DNAAF9: variants seen among roughly 807,000 people sequenced by gnomAD.
The protein encoded by DNAAF9 is shulin.
Under a neutral mutation model 167.0 loss-of-function variants are expected in DNAAF9, and 90 were observed. The observed-to-expected ratio is 0.54, with a 90% CI of 0.45 to 0.64. The LOEUF (loss-of-function observed/expected upper bound fraction) is 0.64, where lower values mean the gene tolerates loss of function less well. Ranked by LOEUF, DNAAF9 falls within the 30% of genes least tolerant of loss-of-function variation. DNAAF9 has a pLI of 0.00. For synonymous variants in DNAAF9, 491 were observed against 508.8 expected (o/e 0.96, Z 0.47); for missense variants, 1,315 against 1,442.2 (o/e 0.91, Z 1.43).
intron 23 of DNAAF9, chr20:3,296,317 C>T: frequency 2.7e-6 from 1 of 372,422 alleles, no homozygotes; most frequent in Non-Finnish European, 5.3e-6. Context: ...CATGCTTGGC[C>T]CGGGTCAGGG....
intron 25 of DNAAF9, among the ~76,000 whole-genome samples, chr20:3,291,758 A>G (rs1239890386): frequency 1.3e-5 from 2 of 152,144 alleles, no homozygotes; most frequent in South Asian, 2.1e-4. Context: ...ATCAGCACAG[A>G]GAAGACGGCC....
rs2069493125 is a variant in DNAAF9 at position 3,315,924 on chromosome 20, C to T, written c.1540-139G>A. On this transcript the variant is annotated intron_variant, in intron 18 of 36. Coordinates refer to ENST00000252032, the MANE Select transcript of DNAAF9 (RefSeq NM_001009984.3). This position sits in a 1 kb window ranked among gnomAD's most constrained non-coding sequence, Gnocchi z 4.1. ...ATGTCCATGTCCAGTGCTCTCAGGC[C>T]CTGACACACCTGAGATGTCTGCTGG... The T allele has an allele frequency of 1.4e-6, 1 of 716,816 alleles. No homozygotes were observed. Among genetic ancestry groups the T allele is most frequent in the African/African-American group, 1.7e-5 (1 of 57,224 alleles). 44.4% of individuals were successfully genotyped at this position (716,816 alleles called of 1,614,324 possible).
chr20:3,340,171 A>G (rs2070050094), intron 10 of DNAAF9, among the ~76,000 whole-genome samples: 1 of 152,234 alleles, frequency 6.6e-6, no homozygotes. Context: ...TAGGCTTGGA[A>G]TAACTATCTT....
intron 25 of DNAAF9, among the ~76,000 whole-genome samples, chr20:3,290,528 G>A (rs541365089): frequency 2.6e-5 from 4 of 152,300 alleles, no homozygotes; most frequent in Non-Finnish European, 5.9e-5. Context: ...GAATAGATTA[G>A]TTAAAATACA....
intron 27 of DNAAF9, among the ~76,000 whole-genome samples, chr20:3,286,564 C>T (rs1000239085): frequency 3.3e-5 from 5 of 152,160 alleles, no homozygotes; most frequent in Non-Finnish European, 7.3e-5. Flanking sequence ...TGGTTTCAAG[C>T]CCAGACTCTT....
In DNAAF9 at chr20:3,260,005, C is replaced by T. The variant is rs1384674904; in HGVS notation, c.2897G>A (p.Gly966Glu). The change falls in exon 32 of 37, where the codon GGA becomes GAA. Residue 966 changes from glycine (G) to glutamate (E), a missense_variant. Gly to Glu is a moderately conservative substitution (Grantham distance 98, BLOSUM62 -2). Around this residue, in one of 2 missense-constraint regions of DNAAF9, gnomAD observed 334 missense variants for 429.7 expected, o/e 0.78. Transcript: ENST00000252032. ...PGWYEGKLNA[G>E]SVYPLMVQIC... ...CTGAACCATTAGGGGATAGACTGAT[C>T]CAGCATTCAATTTACCTTCATACCT... is the stretch of plus-strand genomic sequence containing the variant. The T allele has an allele frequency of 6.2e-7, 1 of 1,610,696 alleles. No individual in the cohort carries two copies. Among genetic ancestry groups the T allele is most frequent in the East Asian group, 2.2e-5 (1 of 44,874 alleles).
chr20:3,293,744 G>A (rs1202864842), intron 25 of DNAAF9, among the ~76,000 whole-genome samples: 1 of 151,620 alleles, frequency 6.6e-6, no homozygotes, highest in East Asian at 1.9e-4. Context: ...TGCTGATTCC[G>A]GCAAGGCCTG....
chr20:3,253,334 G>A (rs572354029), intron 36 of DNAAF9, among the ~76,000 whole-genome samples: 46 of 152,250 alleles, frequency 3.0e-4, no homozygotes, highest in African/African-American at 1.1e-3. Context: ...CCAGCTACTC[G>A]GGAGGCTGAG....
intron 25 of DNAAF9, among the ~76,000 whole-genome samples, chr20:3,293,589 G>A (rs757404660): frequency 1.8e-4 from 27 of 150,992 alleles, no homozygotes; most frequent in Non-Finnish European, 2.8e-4. Context: ...GGAGGCTGAG[G>A]CGGGACAATC....
intron 31 of DNAAF9, among the ~76,000 whole-genome samples, chr20:3,262,965 C>CTTTTTT (rs796491974): frequency 6.2e-5 from 5 of 81,286 alleles, no homozygotes; most frequent in Non-Finnish European, 7.2e-5. Context: ...CATAGCAGAT[C>CTTTTTT]TTTTTTTTTT....
At position 3,298,098 on chromosome 20, in the gene DNAAF9, A is replaced by G. The variant is rs761996976; in HGVS notation, c.1860T>C (p.His620=). 2 of 1,612,816 alleles carry G rather than the reference A, an allele frequency of 1.2e-6. No homozygotes were observed. Among genetic ancestry groups the G allele is most frequent in the African/African-American group, 1.3e-5 (1 of 75,018 alleles). ...CAATCATCAGAAAATTGCTTGATCC[A>G]TGGAAATGAACTGGGAGGTGAGGAA... ...SLLPHLPVHF[H]GSSNFLMIAL... The change falls in exon 22 of 37, where the codon CAT becomes CAC. Residue 620 remains histidine (H), a synonymous_variant. Coordinates refer to ENST00000252032, the MANE Select transcript of DNAAF9 (RefSeq NM_001009984.3).
At chr20:3,290,306 A>G in intron 25 of DNAAF9, 89 bp from the exon 26 acceptor site, 4 of 847,172 alleles carry the variant, frequency 4.7e-6, no homozygotes, top group Non-Finnish European at 2.0e-6. Context: ...GGTGCCAAGC[A>G]TTGTGGGTGT....
In DNAAF9 at chr20:3,253,826, G is replaced by A; in HGVS notation, c.3328-7C>T. The A allele has an allele frequency of 2.1e-6, 3 of 1,458,766 alleles. No homozygotes were observed. The highest frequency in any genetic ancestry group is 1.7e-5 in the Admixed American group (1 of 59,738). 90.4% of individuals were successfully genotyped at this position (1,458,766 alleles called of 1,614,324 possible). A position where few individuals can be genotyped will look rare whatever the true frequency, so the allele number is the denominator to read the frequency against. On this transcript the variant is annotated splice_polypyrimidine_tract_variant and splice_region_variant and intron_variant, in intron 35 of 36. Coordinates refer to ENST00000252032, the MANE Select transcript of DNAAF9 (RefSeq NM_001009984.3). ...GTTCCAAGTGGCGTTTTACCTGTAG[G>A]AGAAAAGAGACCTGTAATAATTATC... is the stretch of plus-strand genomic sequence containing the variant.
intron 10 of DNAAF9, among the ~76,000 whole-genome samples, chr20:3,336,112 G>C (rs1000489779): frequency 5.9e-5 from 9 of 151,988 alleles, no homozygotes; most frequent in Non-Finnish European, 1.3e-4. Context: ...GACAGAGCGA[G>C]ACCCCATTTC....
chr20:3,336,965 C>T (rs1463930453), intron 10 of DNAAF9, among the ~76,000 whole-genome samples: 3 of 150,212 alleles, frequency 2.0e-5, no homozygotes, highest in East Asian at 2.0e-4. Flanking sequence ...CTGCAAGCTC[C>T]GCCTCCCGGG....
chr20:3,339,775 A>T (rs573468485), intron 10 of DNAAF9, among the ~76,000 whole-genome samples: 1 of 152,208 alleles, frequency 6.6e-6, no homozygotes, highest in Non-Finnish European at 1.5e-5. Flanking sequence ...CTGTGGTCCC[A>T]ACTATTCAGG....
In DNAAF9 at chr20:3,294,532, C is replaced by T. The variant is rs1042793224; in HGVS notation, c.2116G>A (p.Asp706Asn). ...KLLSAKLPEL[D>N]WFLQHFAISS... ...ATAAACAGAACCAGAGCTTACCAGT[C>T]CAGCTCTGGGAGTTTGGCTGAGAGT... Residue 706 changes from aspartate (D) to asparagine (N), a missense_variant, in exon 24 of 37, where the codon GAC (aspartate) becomes AAC (asparagine). Asp to Asn is a conservative substitution (Grantham distance 23). This residue lies in a region of DNAAF9 where 981 missense variants were observed against 1,012.5 expected (regional missense o/e 0.97). Coordinates refer to ENST00000252032, the MANE Select transcript of DNAAF9 (RefSeq NM_001009984.3). 1 of 1,593,602 alleles carries T rather than the reference C, an allele frequency of 6.3e-7. No homozygotes were observed. The highest frequency in any genetic ancestry group is 8.6e-7 in the Non-Finnish European group (1 of 1,161,382).
intron 7 of DNAAF9, among the ~76,000 whole-genome samples, chr20:3,350,130 CAG>C (rs1568621045): frequency 1.1e-4 from 15 of 139,370 alleles, no homozygotes; most frequent in Admixed American, 2.1e-4. Flanking sequence ...ATCAGACACA[CAG>C]ACACACAGAC....
chr20:3,324,247 G>A (rs1265778991), intron 14 of DNAAF9, among the ~76,000 whole-genome samples: 1 of 152,202 alleles, frequency 6.6e-6, no homozygotes, highest in Non-Finnish European at 1.5e-5. Context: ...ACATAGACCT[G>A]AGGCATCACA....
Sources: allele counts gnomAD v4.1 joint callset (sites outside exome capture counted in the v4.1 genomes callset), GRCh38; gene constraint gnomAD v4.1.1; regional missense constraint gnomAD v4.1.1; non-coding constraint Gnocchi (gnomAD v3.1); transcripts MANE v1.5; gene names NCBI Gene and HGNC (gene_info 2026-07-23, HGNC 2026-07-21).